The following SMOC1 variants were observed in gnomAD, a reference collection of about 807,000 sequenced individuals.
SMOC1 encodes SPARC-related modular calcium-binding protein 1.
A neutral mutation model predicts 56.3 loss-of-function variants in SMOC1; 22 were observed. That is an observed-to-expected ratio of 0.39 (90% CI 0.28 to 0.56). The LOEUF is 0.56. SMOC1 is among the 20% of genes least tolerant of loss of function. The pLI, the probability that SMOC1 is intolerant of heterozygous loss-of-function variation, is 0.61. For missense variants in SMOC1, 509 were observed against 565.4 expected, an observed-to-expected ratio of 0.90 and a Z score of 1.01; for synonymous variants, 193 against 215.0, an observed-to-expected ratio of 0.90 and a Z score of 0.89.
chr14:69,955,735 A>C (rs1656729552), intron 3 of SMOC1, among the ~76,000 whole-genome samples: 1 of 152,210 alleles, frequency 6.6e-6, no homozygotes, highest in African/African-American at 2.4e-5. Context: ...CAAGTTGGAA[A>C]ATGGATGAAC....
At chr14:70,024,082 G>A (rs8016522) in intron 11 of SMOC1, among the ~76,000 whole-genome samples, 61,621 of 151,794 alleles carry the variant, frequency 0.41, 13,050 homozygotes, top group Admixed American at 0.46. Flanking sequence ...ACCAGAGCTC[G>A]GTCACTAGGA....
chr14:70,004,407 T>G (rs1303895790), intron 7 of SMOC1, among the ~76,000 whole-genome samples: 1 of 152,240 alleles, frequency 6.6e-6, no homozygotes, highest in Non-Finnish European at 1.5e-5. Flanking sequence ...GTCAATTGAC[T>G]TCAGATAAAA....
Position 70,013,402 on chromosome 14 carries a change from G to T in SMOC1, c.957G>T (p.Lys319Asn). Reference protein sequence around the residue: ...DRELPGCPEGKKMEFITSLLD... With the variant: ...DRELPGCPEGNKMEFITSLLD... ...ATCTTTTAGGCTGTCCAGAAGGGAA[G>T]AAAATGGAGTTTATCACCAGCCTAC... The change falls in exon 10 of 12, where the codon AAG becomes AAT. Residue 319 changes from lysine to asparagine, a missense_variant. Lys to Asn is a moderately conservative substitution (Grantham distance 94). Around this residue, in one of 3 missense-constraint regions of SMOC1, gnomAD observed 176 missense variants for 188.1 expected, o/e 0.94. Transcript: ENST00000361956. The T allele has an allele frequency of 6.2e-7, 1 of 1,614,150 alleles. No individual in the cohort carries two copies. The highest frequency in any genetic ancestry group is 1.1e-5 in the South Asian group (1 of 91,082).
chr14:69,938,173 T>C (rs1882393040), intron 1 of SMOC1, among the ~76,000 whole-genome samples: 1 of 152,208 alleles, frequency 6.6e-6, no homozygotes, highest in Admixed American at 6.5e-5. Context: ...ATGATAATCC[T>C]ATGACACTGA....
chr14:69,936,806 A>T (rs1477859194), intron 1 of SMOC1, among the ~76,000 whole-genome samples: 1 of 150,218 alleles, frequency 6.7e-6, no homozygotes, highest in Non-Finnish European at 1.5e-5. Context: ...TCTATAACCC[A>T]TCTGTGTTCC....
chr14:69,983,933 C>T (rs1884273098), intron 5 of SMOC1, among the ~76,000 whole-genome samples: 1 of 152,190 alleles, frequency 6.6e-6, no homozygotes, highest in South Asian at 2.1e-4. Flanking sequence ...TTGCAGTGAT[C>T]CTGTGCTTGC....
intron 11 of SMOC1, among the ~76,000 whole-genome samples, chr14:70,029,616 G>A (rs560319752): frequency 4.1e-4 from 63 of 152,308 alleles, no homozygotes; most frequent in African/African-American, 1.3e-3. Flanking sequence ...TACGGAAGAA[G>A]GTGCCAGTTC....
chr14:69,937,158 A>G (rs1011033498), intron 1 of SMOC1, among the ~76,000 whole-genome samples: 6 of 152,108 alleles, frequency 3.9e-5, no homozygotes, highest in African/African-American at 1.2e-4. Context: ...TGTGCCCTGC[A>G]TTCTCTCTGG....
Position 70,030,828 on chromosome 14 carries a change from C to T in SMOC1, c.*570C>T, listed in dbSNP as rs1333106769. 3 of 152,668 alleles carry T rather than the reference C, an allele frequency of 2.0e-5. No individual in the cohort carries two copies. Among genetic ancestry groups the T allele is most frequent in the Non-Finnish European group, 2.9e-5 (2 of 68,502 alleles). 9.5% of individuals were successfully genotyped at this position (152,668 alleles called of 1,614,324 possible). On this transcript the variant is annotated 3_prime_UTR_variant, in exon 12 of 12. Coordinates refer to ENST00000361956, the MANE Select transcript of SMOC1 (RefSeq NM_001034852.3). ...TACTGCGGACTCCACGAGTTCTTTT[C>T]TGGTGGGAGGACTATATTGCCCCAT...
intron 1 of SMOC1, among the ~76,000 whole-genome samples, chr14:69,924,247 C>T (rs1884929619): frequency 6.6e-6 from 1 of 152,202 alleles, no homozygotes; most frequent in African/African-American, 2.4e-5. Flanking sequence ...TCGGCAGATC[C>T]TGTTGACCTC....
intron 3 of SMOC1, among the ~76,000 whole-genome samples, chr14:69,960,163 A>G (rs966580168): frequency 1.6e-4 from 24 of 152,120 alleles, no homozygotes; most frequent in African/African-American, 5.6e-4. Flanking sequence ...ACATCCTCAT[A>G]GGGTGGAAGG....
At chr14:69,909,876 T>G (rs2139344009) in intron 1 of SMOC1, among the ~76,000 whole-genome samples, 1 of 152,314 alleles carries the variant, frequency 6.6e-6, no homozygotes, top group African/African-American at 2.4e-5. Context: ...CAGAGGTTTT[T>G]GGGTCTAGCA....
intron 8 of SMOC1, 58 bp from the exon 9 acceptor site, chr14:70,011,427 C>T: frequency 6.6e-7 from 1 of 1,503,960 alleles, no homozygotes. Context: ...GCAGTAGTGA[C>T]TGAAGTAGGC....
chr14:69,899,036 G>GT (rs1412024733), intron 1 of SMOC1, among the ~76,000 whole-genome samples: 3 of 152,064 alleles, frequency 2.0e-5, no homozygotes, highest in African/African-American at 7.3e-5. Context: ...GCTTCTCAGT[G>GT]TTTCCCCCTA....
At chr14:70,001,645 T>C (rs2139565271) in intron 7 of SMOC1, among the ~76,000 whole-genome samples, 1 of 152,286 alleles carries the variant, frequency 6.6e-6, no homozygotes, top group Non-Finnish European at 1.5e-5. Flanking sequence ...TTCACAGGGA[T>C]AGGGCAGGAA....
At chr14:69,899,950 G>T (rs1430216609) in intron 1 of SMOC1, among the ~76,000 whole-genome samples, 1 of 152,220 alleles carries the variant, frequency 6.6e-6, no homozygotes, top group Non-Finnish European at 1.5e-5. Flanking sequence ...GGTTTGCCAT[G>T]TGAAATGAGA....
chr14:69,899,446 C>T (rs2139322557), intron 1 of SMOC1, among the ~76,000 whole-genome samples: 1 of 152,278 alleles, frequency 6.6e-6, no homozygotes, highest in Non-Finnish European at 1.5e-5. Context: ...TGGCTCTCTT[C>T]CTTCTGTTCC....
intron 1 of SMOC1, among the ~76,000 whole-genome samples, chr14:69,950,647 A>T (rs1882960103): frequency 6.6e-6 from 1 of 152,216 alleles, no homozygotes; most frequent in African/African-American, 2.4e-5. Flanking sequence ...GGACTCTGCT[A>T]TATGGGAGTA....
At chr14:69,967,068 A>C (rs971855089) in intron 3 of SMOC1, among the ~76,000 whole-genome samples, 6 of 152,182 alleles carry the variant, frequency 3.9e-5, no homozygotes, top group Admixed American at 6.5e-5. Context: ...GGGGAAGAAC[A>C]AGGCCATCTC....
Sources: allele counts gnomAD v4.1 joint callset (sites outside exome capture counted in the v4.1 genomes callset), GRCh38; gene constraint gnomAD v4.1.1; regional missense constraint gnomAD v4.1.1; transcripts MANE v1.5; gene names NCBI Gene and HGNC (gene_info 2026-07-23, HGNC 2026-07-21).